Variants in VWA8 observed in about 807,000 individuals in gnomAD.
The protein encoded by VWA8 is von Willebrand factor A domain-containing protein 8.
Under a neutral mutation model 241.5 loss-of-function variants are expected in VWA8, and 221 were observed. The observed-to-expected ratio is 0.91, with a 90% confidence interval of 0.82 to 1.02. VWA8 has a LOEUF of 1.02. Ranked by LOEUF, VWA8 falls within the 50% of genes least tolerant of loss-of-function variation. The pLI is 0.00. For missense variants in VWA8, 2,322 were observed against 2,328.7 expected, an observed-to-expected ratio of 1.00 and a Z score of 0.06; for synonymous variants, 852 against 827.1, an observed-to-expected ratio of 1.03 and a Z score of -0.52.
intron 21 of VWA8, 54 bp from the exon 22 acceptor site, chr13:41,732,209 A>C (rs1010916749): frequency 3.9e-6 from 6 of 1,535,544 alleles, no homozygotes; most frequent in Non-Finnish European, 5.4e-6. Context: ...CTGATGATTG[A>C]TCATGATAAA....
intron 16 of VWA8, among the ~76,000 whole-genome samples, chr13:41,814,874 G>A (rs1870620613): frequency 6.6e-6 from 1 of 152,154 alleles, no homozygotes; most frequent in East Asian, 1.9e-4. Context: ...AAAAACCCCT[G>A]CAATCCTGGA....
intron 14 of VWA8, among the ~76,000 whole-genome samples, chr13:41,826,051 GAATCTAACCTATTAT>G (rs139825464): frequency 0.011 from 1,728 of 152,210 alleles, 16 homozygotes; most frequent in Middle Eastern, 0.051. Flanking sequence ...CTTAAGAGAA[GAATCTAACCTATTAT>G]AACCCTAAAA....
intron 37 of VWA8, among the ~76,000 whole-genome samples, chr13:41,651,164 A>AC (rs2044867216): frequency 6.6e-6 from 1 of 151,282 alleles, no homozygotes; most frequent in African/African-American, 2.4e-5. Context: ...GACAAAGCCA[A>AC]CAAAAAAAAA....
In VWA8 at chr13:41,789,515, T is replaced by A. The variant is rs538252950; in HGVS notation, c.2064-1972A>T. ...CTCTAGTCTCATTAGGTTTTGGTTA[T>A]AAGAAAAACTAAAGAAAGATTCAGC... On this transcript the variant is annotated intron_variant, in intron 17 of 44. Transcript: ENST00000379310. Among the ~76,000 whole-genome samples, 79 of 152,256 alleles carry A rather than the reference T, an allele frequency of 5.2e-4. 1 individual carries two copies. The highest frequency in any genetic ancestry group is 1.7e-3 in the African/African-American group (69 of 41,554).
chr13:41,883,425 CT>C lies in VWA8; in HGVS notation c.1041del (p.Gly348ValfsTer12). The C allele has an allele frequency of 6.2e-7, 1 of 1,613,612 alleles. No homozygotes were observed. The highest frequency in any genetic ancestry group is 8.5e-7 in the Non-Finnish European group (1 of 1,179,690). On this transcript the variant is annotated frameshift_variant, in exon 9 of 45. Coordinates refer to ENST00000379310, the MANE Select transcript of VWA8 (RefSeq NM_015058.2). LOFTEE classifies it high-confidence loss of function. The stretch of plus-strand genomic sequence containing the variant: ...TCCACAGCCATCTTCCCTTCATGAC[CT>C]AGTAAAATACTATATGGATAAAGCC... ...IQWLYPYSILLGHEGKMAVEG... is the reference protein window; with the variant it reads ...IQWLYPYSILXGHEGKMAVEG...
chr13:41,905,917 T>A (rs1875691200), intron 4 of VWA8, among the ~76,000 whole-genome samples: 2 of 152,088 alleles, frequency 1.3e-5, no homozygotes, highest in Non-Finnish European at 2.9e-5. Flanking sequence ...GGTACATTAT[T>A]TTTTCCCATT....
intron 43 of VWA8, among the ~76,000 whole-genome samples, chr13:41,574,189 A>G (rs2044335768): frequency 6.6e-6 from 1 of 151,160 alleles, no homozygotes; most frequent in East Asian, 1.9e-4. Flanking sequence ...AAAAAAAAAA[A>G]GAAAACCCTA....
intron 5 of VWA8, among the ~76,000 whole-genome samples, chr13:41,889,353 A>ATAATAAGCAT (rs1339152817): frequency 6.6e-6 from 1 of 151,946 alleles, no homozygotes; most frequent in Non-Finnish European, 1.5e-5. Flanking sequence ...TTCTCACTTA[A>ATAATAAGCAT]TAATAAGCAT....
chr13:41,731,013 A>C (rs1287454544), intron 22 of VWA8, among the ~76,000 whole-genome samples: 1 of 151,220 alleles, frequency 6.6e-6, no homozygotes, highest in African/African-American at 2.4e-5. Context: ...AAAGTATAAT[A>C]ATAATAAAAA....
At chr13:41,613,000 A>G (rs1293948350) in intron 38 of VWA8, among the ~76,000 whole-genome samples, 2 of 152,186 alleles carry the variant, frequency 1.3e-5, no homozygotes, top group African/African-American at 4.8e-5. Flanking sequence ...TGCTTTTACT[A>G]TTATTATTAA....
In VWA8 at chr13:41,761,025, G is replaced by T. The variant is rs1181385937; in HGVS notation, c.2426+103C>A. On this transcript the variant is annotated intron_variant, in intron 21 of 44. Coordinates refer to ENST00000379310, the MANE Select transcript of VWA8 (RefSeq NM_015058.2). ...GAGCAAGAAGAACAGAAATAAAACT[G>T]GTTTATAAAATGGGCCTCTAAGAAA... 5.8e-5 allele frequency: 66 copies of T among 1,134,180 alleles called. 2 individuals are homozygous for T. In the South Asian group the frequency reaches 7.9e-4, roughly 14 times the overall value. The allele number at this position is 1,134,180 out of a possible 1,614,324, so 70.3% of individuals were successfully genotyped here. A position where few individuals can be genotyped will look rare whatever the true frequency, so the allele number is the denominator to read the frequency against.
intron 37 of VWA8, among the ~76,000 whole-genome samples, chr13:41,636,280 A>G (rs181621369): frequency 1.0e-3 from 154 of 152,330 alleles, no homozygotes; most frequent in African/African-American, 3.5e-3. Context: ...CTGCATATCT[A>G]CAACTATCTG....
chr13:41,816,496 A>T (rs1402917766), intron 16 of VWA8, among the ~76,000 whole-genome samples: 3 of 152,232 alleles, frequency 2.0e-5, no homozygotes, highest in African/African-American at 7.2e-5. Context: ...TCTTTCTATA[A>T]CATCAGCGAG....
At chr13:41,805,112 G>A (rs1030956071) in intron 17 of VWA8, among the ~76,000 whole-genome samples, 2 of 152,134 alleles carry the variant, frequency 1.3e-5, no homozygotes, top group East Asian at 3.8e-4. Flanking sequence ...AAAAGACAGA[G>A]TAGCAAAATG....
intron 21 of VWA8, among the ~76,000 whole-genome samples, chr13:41,747,938 G>C (rs2045622654): frequency 6.6e-6 from 1 of 152,220 alleles, no homozygotes; most frequent in Non-Finnish European, 1.5e-5. Flanking sequence ...TTGCATTCCA[G>C]GGGTGAAGCC....
chr13:41,825,267 T>C (rs1871130932), intron 14 of VWA8, among the ~76,000 whole-genome samples: 1 of 152,210 alleles, frequency 6.6e-6, no homozygotes, highest in South Asian at 2.1e-4. Flanking sequence ...CAAATACTTA[T>C]ACTCGCCAAA....
chr13:41,729,618 T>A lies in VWA8; in HGVS notation c.2562A>T (p.Thr854=), dbSNP rs201882513. 11 of 1,613,564 alleles carry A rather than the reference T, an allele frequency of 6.8e-6. No homozygotes were observed. The East Asian group carries it at 2.0e-4, about 29-fold the overall frequency. ...GAGTTTTTAAAATACACGTGACATT[T>A]GTTGGAGCTTTGTCAGCCTCATCTA... The part of the protein sequence containing the change: ...LVVDEADKAP[T]NVTCILKTLV... Residue 854 remains threonine (T), a synonymous_variant, in exon 23 of 45, where the codon ACA becomes ACT. Coordinates refer to ENST00000379310, the MANE Select transcript of VWA8 (RefSeq NM_015058.2).
At chr13:41,821,151 A>T (rs1870939350) in intron 14 of VWA8, among the ~76,000 whole-genome samples, 1 of 152,160 alleles carries the variant, frequency 6.6e-6, no homozygotes, top group Non-Finnish European at 1.5e-5. Context: ...AACAACTAAA[A>T]TGAGAGCATG....
chr13:41,845,223 A>G (rs1371162397), intron 12 of VWA8, among the ~76,000 whole-genome samples: 1 of 152,184 alleles, frequency 6.6e-6, no homozygotes, highest in Admixed American at 6.5e-5. Context: ...CATTAGAGAA[A>G]TGCCAATCAA....
Sources: gnomAD v4.1 joint callset for allele counts (sites outside exome capture counted in the v4.1 genomes callset) on GRCh38, gnomAD v4.1.1 for gene constraint, MANE v1.5 for transcripts, NCBI Gene and HGNC (gene_info 2026-07-23, HGNC 2026-07-21) for gene names.